Variants in RXRG observed in about 807,000 individuals in gnomAD.
RXRG encodes retinoid X receptor gamma, also known as retinoic acid receptor RXR-gamma.
Under a neutral mutation model 49.2 loss-of-function variants are expected in RXRG, and 19 were observed. The ratio of observed to expected loss-of-function variants is 0.39; its 90% CI spans 0.27 to 0.57. The LOEUF (loss-of-function observed/expected upper bound fraction) is 0.57, where lower values mean the gene tolerates loss of function less well. RXRG is among the 20% of genes least tolerant of loss of function. RXRG has a pLI of 0.64. For synonymous variants in RXRG, 224 were observed against 216.6 expected, an observed-to-expected ratio of 1.03 and a Z score of -0.30; for missense variants, 452 against 592.5, an observed-to-expected ratio of 0.76 and a Z score of 2.46.
At chr1:165,444,335 CT>C (rs1186172823) in intron 1 of RXRG, among the ~76,000 whole-genome samples, 1 of 152,156 alleles carries the variant, frequency 6.6e-6, no homozygotes, top group Non-Finnish European at 1.5e-5. Flanking sequence ...ACTATGTTTT[CT>C]TTTTAAAAAT....
At chr1:165,444,678 C>T (rs1345673537) in intron 1 of RXRG, among the ~76,000 whole-genome samples, 167 bp downstream of exon 1, 1 of 152,190 alleles carries the variant, frequency 6.6e-6, no homozygotes, top group African/African-American at 2.4e-5. Flanking sequence ...TCTCCTCTCT[C>T]ATGCACGCGT....
intron 2 of RXRG, among the ~76,000 whole-genome samples, chr1:165,422,445 C>T (rs1204595508): frequency 6.6e-6 from 1 of 152,162 alleles, no homozygotes; most frequent in Non-Finnish European, 1.5e-5. Flanking sequence ...AGATCACATG[C>T]TATTGAGATC....
chr1:165,422,839 T>A (rs762096527), intron 2 of RXRG, among the ~76,000 whole-genome samples: 57 of 152,180 alleles, frequency 3.7e-4, no homozygotes, highest in Non-Finnish European at 4.1e-4. Context: ...GTTAGGTACC[T>A]TACCAGGTCT....
chr1:165,401,162 G>A lies in RXRG; in HGVS notation c.*101C>T. On this transcript the variant is annotated 3_prime_UTR_variant, in exon 10 of 10. Coordinates refer to ENST00000359842, the MANE Select transcript of RXRG (RefSeq NM_006917.5). The stretch of plus-strand genomic sequence containing the variant: ...TTATAAGCATCACATTTTGGGGACA[G>A]GAAGGGGGTCAGGGTGGGAGGTGGA... 9.0e-7 allele frequency: 1 copy of A among 1,114,830 alleles called. No homozygotes were observed. Among genetic ancestry groups the A allele is most frequent in the South Asian group, 1.5e-5 (1 of 68,372 alleles). 69.1% of individuals were successfully genotyped at this position (1,114,830 alleles called of 1,614,324 possible).
chr1:165,424,848 A>G (rs1381585362), intron 2 of RXRG: 2 of 985,420 alleles, frequency 2.0e-6, no homozygotes, highest in Non-Finnish European at 2.4e-6. Context: ...TAATCTGCCC[A>G]GACGATCCAG....
chr1:165,419,966 G>C lies in RXRG; in HGVS notation c.346C>G (p.Pro116Ala), dbSNP rs571691252. 4 of 1,612,666 alleles carry C rather than the reference G, an allele frequency of 2.5e-6. No individual in the cohort carries two copies. In the African/African-American group the frequency reaches 4.0e-5, roughly 16 times the overall value. Residue 116 changes from proline to alanine, a missense_variant, in exon 3 of 10, where the codon CCA becomes GCA. This residue lies in a region of RXRG where 166 missense variants were observed against 151.7 expected (regional missense o/e 1.09). Transcript: ENST00000359842. ...VSSSEDIKPL[P>A]GLPGIGNMNY... is the part of the protein sequence containing the mutation. ...ATGTTTCCAATCCCGGGAAGCCCTG[G>C]TAAGGGCTTGATGTCCTCTGAACTG...
chr1:165,412,195 G>A lies in RXRG; in HGVS notation c.623-1086C>T, dbSNP rs185722049. Among the ~76,000 whole-genome samples, 197 of 152,184 alleles carry A rather than the reference G, an allele frequency of 1.3e-3. 1 individual carries two copies. The highest frequency in any genetic ancestry group is 1.4e-3 in the Non-Finnish European group (97 of 68,024). On this transcript the variant is annotated intron_variant, in intron 4 of 9. Coordinates refer to ENST00000359842, the MANE Select transcript of RXRG (RefSeq NM_006917.5). ...ATGCCGAACATCTAGTTTGTCATGC[G>A]AGCCATATCAGTCTCTCAAGGTAGG...
chr1:165,423,813 GA>G (rs1658399635), intron 2 of RXRG, among the ~76,000 whole-genome samples: 1 of 152,156 alleles, frequency 6.6e-6, no homozygotes, highest in African/African-American at 2.4e-5. Context: ...TTCATCTGAA[GA>G]AAAGACTTGA....
Position 165,410,760 on chromosome 1 carries a change from C to G in RXRG, c.855G>C (p.Lys285Asn). Residue 285 changes from lysine to asparagine, a missense_variant, in exon 6 of 10, where the codon AAG becomes AAC. Around this residue, in one of 2 missense-constraint regions of RXRG, gnomAD observed 286 missense variants for 440.9 expected, o/e 0.65. Transcript: ENST00000359842. ...TGAGGTCAGAGAAGTGGGGAATACGCTTGGCCCATTCAACGAGGGTGAAAA... is the reference window on the plus strand; with the variant it reads ...TGAGGTCAGAGAAGTGGGGAATACGGTTGGCCCATTCAACGAGGGTGAAAA... ...KQLFTLVEWAKRIPHFSDLTL... is the reference protein window; with the variant it reads ...KQLFTLVEWANRIPHFSDLTL... 1 of 1,614,112 alleles carries G rather than the reference C, an allele frequency of 6.2e-7. No individual in the cohort carries two copies. The highest frequency in any genetic ancestry group is 1.1e-5 in the South Asian group (1 of 91,072).
rs1279248093 is a variant in RXRG at position 165,437,514 on chromosome 1, A to G, written c.49+7331T>C. Among the ~76,000 whole-genome samples the G allele has an allele frequency of 2.6e-5, 4 of 152,184 alleles. No homozygotes were observed. The East Asian group carries it at 7.7e-4, about 29-fold the overall frequency. ...AATATAGTTCGCTGTATTTTAAGAG[A>G]CTGCCGTCTTTAGAAGACAATCTAT... On this transcript the variant is annotated intron_variant, in intron 1 of 9. Coordinates refer to ENST00000359842, the MANE Select transcript of RXRG (RefSeq NM_006917.5).
At chr1:165,421,529 C>CTT (rs34676879) in intron 2 of RXRG, among the ~76,000 whole-genome samples, 1 of 131,428 alleles carries the variant, frequency 7.6e-6, no homozygotes, top group African/African-American at 2.8e-5. Context: ...TCTGGCATTT[C>CTT]TTTTTTTTTT....
At position 165,438,840 on chromosome 1, in the gene RXRG, T is replaced by C. The variant is rs576543122; in HGVS notation, c.49+6005A>G. On this transcript the variant is annotated intron_variant, in intron 1 of 9. Transcript: ENST00000359842. ...CATGGTATAAACTAGTTTGTATTTGTTCATTCACAAAATAATAATAAAAAA... is the reference window on the plus strand; with the variant it reads ...CATGGTATAAACTAGTTTGTATTTGCTCATTCACAAAATAATAATAAAAAA... 7.2e-4 allele frequency among the ~76,000 whole-genome samples: 109 copies of C among 152,348 alleles called. 1 individual carries two copies. Among genetic ancestry groups the C allele is most frequent in the Middle Eastern group, 6.8e-3 (2 of 294 alleles).
intron 2 of RXRG, among the ~76,000 whole-genome samples, chr1:165,420,979 T>C (rs1349428449): frequency 6.6e-6 from 1 of 152,200 alleles, no homozygotes; most frequent in Non-Finnish European, 1.5e-5. Context: ...CTTCCCATGG[T>C]TTGTCTGAAT....
At chr1:165,418,260 C>G (rs1658197580) in intron 3 of RXRG, among the ~76,000 whole-genome samples, 1 of 152,070 alleles carries the variant, frequency 6.6e-6, no homozygotes, top group South Asian at 2.1e-4. Flanking sequence ...GGAGAGCCAC[C>G]AAGCCCATCC....
At chr1:165,430,572 C>T (rs1299990973) in intron 1 of RXRG, among the ~76,000 whole-genome samples, 7 of 152,214 alleles carry the variant, frequency 4.6e-5, no homozygotes, top group Admixed American at 2.0e-4. Context: ...TGTCATTCTA[C>T]GTATGGAGCT....
At chr1:165,422,217 G>A (rs1571277936) in intron 2 of RXRG, among the ~76,000 whole-genome samples, 1 of 152,288 alleles carries the variant, frequency 6.6e-6, no homozygotes, top group Admixed American at 6.5e-5. Flanking sequence ...TACCATCTAT[G>A]GAAAGCTTGC....
In RXRG at chr1:165,401,263, T is replaced by C. The variant is rs202113272; in HGVS notation, c.1392A>G (p.Ter464TrpextTer39). 1 of 1,613,820 alleles carries C rather than the reference T, an allele frequency of 6.2e-7. No homozygotes were observed. Among genetic ancestry groups the C allele is most frequent in the Non-Finnish European group, 8.5e-7 (1 of 1,179,954 alleles). The stretch of plus-strand genomic sequence containing the variant: ...GTGGGGAGGCTGTGGCTGGTGGGGC[T>C]CAGGTGATCTGCAGCGGGGTCTCCA... ...EMLETPLQIT* is the reference protein window; with the variant it reads ...EMLETPLQITW Residue 464 changes from the stop codon to tryptophan (W), a stop_lost, in exon 10 of 10, where the codon TGA becomes TGG. Coordinates refer to ENST00000359842, the MANE Select transcript of RXRG (RefSeq NM_006917.5).
intron 2 of RXRG, chr1:165,424,837 A>T: frequency 1.0e-6 from 1 of 985,492 alleles, no homozygotes; most frequent in East Asian, 1.1e-4. Flanking sequence ...ATGCATAGGA[A>T]TAATCTGCCC....
At position 165,401,168 on chromosome 1, in the gene RXRG, G is replaced by A. The variant is rs1026813087; in HGVS notation, c.*95C>T. 3 of 1,164,706 alleles carry A rather than the reference G, an allele frequency of 2.6e-6. No homozygotes were observed. Among genetic ancestry groups the A allele is most frequent in the East Asian group, 2.4e-5 (1 of 42,338 alleles). The allele number at this position is 1,164,706 out of a possible 1,614,324, so 72.1% of individuals were successfully genotyped here. The stretch of plus-strand genomic sequence containing the variant: ...GCATCACATTTTGGGGACAGGAAGG[G>A]GGTCAGGGTGGGAGGTGGAGGAAAG... On this transcript the variant is annotated 3_prime_UTR_variant, in exon 10 of 10. Coordinates refer to ENST00000359842, the MANE Select transcript of RXRG (RefSeq NM_006917.5).
Sources: gnomAD v4.1 joint callset for allele counts (sites outside exome capture counted in the v4.1 genomes callset) on GRCh38, gnomAD v4.1.1 for gene constraint, gnomAD v4.1.1 regional missense constraint, MANE v1.5 for transcripts, NCBI Gene and HGNC (gene_info 2026-07-23, HGNC 2026-07-21) for gene names.